The following SHROOM2 variants were observed in gnomAD, a reference collection of about 807,000 sequenced individuals.
The protein encoded by SHROOM2 is shroom family member 2.
SHROOM2 carries 33 observed loss-of-function variants against 75.9 expected under a neutral mutation model. The observed-to-expected ratio is 0.43, with a 90% CI of 0.33 to 0.58. The LOEUF (loss-of-function observed/expected upper bound fraction) is 0.58. Ranked by LOEUF, SHROOM2 falls within the 20% of genes least tolerant of loss-of-function variation. The pLI, the probability that SHROOM2 is intolerant of heterozygous loss-of-function variation, is 0.04. For synonymous variants in SHROOM2, 655 were observed against 663.6 expected (o/e 0.99, Z 0.20); for missense variants, 1,434 against 1,461.2 (o/e 0.98, Z 0.30).
At chrX:9,814,160 T>C (rs1372626480) in intron 1 of SHROOM2, among the ~76,000 whole-genome samples, 1 of 111,762 alleles carries the variant, frequency 8.9e-6, no homozygotes, top group Non-Finnish European at 1.9e-5. Context: ...TTGGATCCCT[T>C]CCTCTACATT....
intron 1 of SHROOM2, among the ~76,000 whole-genome samples, chrX:9,823,517 A>G (rs1457588144): frequency 9.0e-6 from 1 of 110,829 alleles, no homozygotes. Flanking sequence ...ATTCTTAAAC[A>G]TAAGATTTTA....
intron 1 of SHROOM2, among the ~76,000 whole-genome samples, chrX:9,837,603 G>C (rs372079393): frequency 8.9e-6 from 1 of 112,407 alleles, no homozygotes; most frequent in East Asian, 2.8e-4. Flanking sequence ...TGGGCGCTGG[G>C]CTGTGCTCTG....
chrX:9,846,925 C>T (rs1473273282), intron 1 of SHROOM2, among the ~76,000 whole-genome samples: 2 of 112,285 alleles, frequency 1.8e-5, no homozygotes, highest in Non-Finnish European at 3.8e-5. Flanking sequence ...CTGCTGCCAC[C>T]AGCTCTGATG....
At chrX:9,802,410 GA>G (rs1386835339) in intron 1 of SHROOM2, among the ~76,000 whole-genome samples, 1 of 112,650 alleles carries the variant, frequency 8.9e-6, no homozygotes, top group Non-Finnish European at 1.9e-5. Flanking sequence ...CTGCTTTAGA[GA>G]ATGATTTGCT....
intron 1 of SHROOM2, among the ~76,000 whole-genome samples, chrX:9,793,871 A>C (rs1187123879): frequency 9.1e-6 from 1 of 109,406 alleles, no homozygotes; most frequent in Non-Finnish European, 1.9e-5. Context: ...CAGCCTCCTG[A>C]GTAGCTGTGA....
chrX:9,839,293 A>G (rs1413520174), intron 1 of SHROOM2, among the ~76,000 whole-genome samples: 1 of 111,045 alleles, frequency 9.0e-6, no homozygotes, highest in African/African-American at 3.3e-5. Flanking sequence ...TTTTTTTACC[A>G]TCACCCTCTG....
chrX:9,815,276 T>G (rs1194025552), intron 1 of SHROOM2, among the ~76,000 whole-genome samples: 1 of 110,856 alleles, frequency 9.0e-6, no homozygotes, highest in East Asian at 2.8e-4. Context: ...GTCCTTAGCA[T>G]TTTGGAGTCT....
At position 9,906,130 on chromosome X, in the gene SHROOM2, T is replaced by G. The variant is rs184100534; in HGVS notation, c.2891+7840T>G. On this transcript the variant is annotated intron_variant, in intron 5 of 9. Transcript: ENST00000380913. ...TTGTGTTTTATAGCCTAAGAACCAT[T>G]AAAATAAGGAAACAGATTTTATATA... Among the ~76,000 whole-genome samples, 485 of 112,266 alleles carry G rather than the reference T, an allele frequency of 4.3e-3. 1 individual carries two copies. The highest frequency in any genetic ancestry group is 0.018 in the Middle Eastern group (4 of 217).
intron 1 of SHROOM2, among the ~76,000 whole-genome samples, chrX:9,790,898 C>CA (rs766503421): frequency 1.5e-4 from 17 of 110,764 alleles, no homozygotes; most frequent in Non-Finnish European, 2.8e-4. Flanking sequence ...TGGAGTCAGG[C>CA]AGTGAGCCTC....
intron 1 of SHROOM2, among the ~76,000 whole-genome samples, chrX:9,846,223 C>T (rs2084005708): frequency 9.1e-6 from 1 of 109,651 alleles, no homozygotes; most frequent in Admixed American, 9.9e-5. Flanking sequence ...GGGCTCAAGC[C>T]ATCCTCCTGC....
Position 9,937,252 on chromosome X carries a change from C to A in SHROOM2, c.3706C>A (p.Pro1236Thr). 1 of 1,210,380 alleles carries A rather than the reference C, an allele frequency of 8.3e-7. No homozygotes were observed. Among genetic ancestry groups the A allele is most frequent in the Non-Finnish European group, 1.1e-6 (1 of 894,782 alleles). The stretch of plus-strand genomic sequence containing the variant: ...GAGCCTGGCATGCCCCGCCGAGCCA[C>A]CTGCCCTGCCCCACGGGCTGGAGAA... The part of the protein sequence containing the change: ...RQSLACPAEP[P>T]ALPHGLEKDQ... Residue 1236 changes from proline to threonine, a missense_variant, in exon 7 of 10, where the codon CCT becomes ACT. Coordinates refer to ENST00000380913, the MANE Select transcript of SHROOM2 (RefSeq NM_001649.4).
chrX:9,897,308 G>A (rs2084337898), intron 4 of SHROOM2, among the ~76,000 whole-genome samples: 1 of 111,508 alleles, frequency 9.0e-6, no homozygotes, highest in Admixed American at 9.6e-5. Flanking sequence ...CTGCTTCAAA[G>A]TGAACAGTCT....
chrX:9,871,516 A>G (rs1323093425), intron 1 of SHROOM2, among the ~76,000 whole-genome samples: 1 of 111,972 alleles, frequency 8.9e-6, no homozygotes, highest in East Asian at 2.8e-4. Context: ...TGTGTGTGCA[A>G]CCTTAGTGGG....
chrX:9,931,537 C>T (rs2084648513), intron 5 of SHROOM2, among the ~76,000 whole-genome samples: 1 of 110,728 alleles, frequency 9.0e-6, no homozygotes, highest in South Asian at 3.9e-4. Context: ...GTCTCAGCTA[C>T]TTGGGAAGCT....
chrX:9,862,405 G>T (rs5933772), intron 1 of SHROOM2, among the ~76,000 whole-genome samples: 55,034 of 107,777 alleles, frequency 0.51, 12,093 homozygotes, highest in Non-Finnish European at 0.68. Context: ...GGAGAAAGTC[G>T]CTGAGGGCCA....
At chrX:9,901,308 G>C (rs2084364541) in intron 5 of SHROOM2, among the ~76,000 whole-genome samples, 1 of 112,041 alleles carries the variant, frequency 8.9e-6, no homozygotes, top group Non-Finnish European at 1.9e-5. Context: ...GATACTAAGA[G>C]TTATGGCTTC....
intron 1 of SHROOM2, among the ~76,000 whole-genome samples, chrX:9,790,378 CTT>C (rs1352026110): frequency 8.9e-6 from 1 of 112,177 alleles, no homozygotes; most frequent in Non-Finnish European, 1.9e-5. Flanking sequence ...CAACCAAGCT[CTT>C]TGTGAAATAT....
intron 1 of SHROOM2, among the ~76,000 whole-genome samples, chrX:9,802,943 A>G (rs1244028780): frequency 1.2e-5 from 1 of 81,832 alleles, no homozygotes; most frequent in Non-Finnish European, 2.0e-5. Flanking sequence ...TTTTTTTTTT[A>G]AATGAAACAG....
chrX:9,821,767 T>G lies in SHROOM2; in HGVS notation c.165+35057T>G, dbSNP rs1365548363. 2.7e-5 allele frequency among the ~76,000 whole-genome samples: 3 copies of G among 111,748 alleles called. No individual in the cohort carries two copies. In the East Asian group the frequency reaches 8.4e-4, roughly 31 times the overall value. On this transcript the variant is annotated intron_variant, in intron 1 of 9. Coordinates refer to ENST00000380913, the MANE Select transcript of SHROOM2 (RefSeq NM_001649.4). ...ATATGCAAAGGCAGCAAAATGGTGGTTACCGGGGCGGAGTGCAGAGGGGAG... is the reference window on the plus strand; with the variant it reads ...ATATGCAAAGGCAGCAAAATGGTGGGTACCGGGGCGGAGTGCAGAGGGGAG...
Sources: gnomAD v4.1 joint callset for allele counts (sites outside exome capture counted in the v4.1 genomes callset) on GRCh38, gnomAD v4.1.1 for gene constraint, MANE v1.5 for transcripts, NCBI Gene and HGNC (gene_info 2026-07-23, HGNC 2026-07-21) for gene names.